The following C13orf42 variants were observed in gnomAD, a reference collection of about 807,000 sequenced individuals.
C13orf42 encodes the protein uncharacterized protein C13orf42.
chr13:51,140,291 T>C (rs1376804435), intron 1 of C13orf42, among the ~76,000 whole-genome samples: 1 of 152,240 alleles, frequency 6.6e-6, no homozygotes, highest in Non-Finnish European at 1.5e-5. Flanking sequence ...TACTGATTGA[T>C]GTCTCATGTC....
chr13:51,107,762 C>G (rs1953375961), intron 1 of C13orf42, among the ~76,000 whole-genome samples: 1 of 152,212 alleles, frequency 6.6e-6, no homozygotes, highest in South Asian at 2.1e-4. Context: ...GAGAAAGATA[C>G]TGTTTCAGCT....
rs980448755 is a variant in C13orf42 at position 51,171,005 on chromosome 13, T to C, written n.136+1248A>G. On this transcript the variant is annotated intron_variant and non_coding_transcript_variant, in intron 1 of 4. Transcript: ENST00000433280. The stretch of plus-strand genomic sequence containing the variant: ...CTTATTTCCGCACCCTGACCTCTTA[T>C]CTCTGTGCCCCCATCCCTTATTTCC... Among the ~76,000 whole-genome samples, 3 of 152,132 alleles carry C rather than the reference T, an allele frequency of 2.0e-5. No homozygotes were observed. In the East Asian group the frequency reaches 5.8e-4, roughly 29 times the overall value.
chr13:51,108,663 C>A (rs1053103361), intron 1 of C13orf42, among the ~76,000 whole-genome samples: 5 of 152,230 alleles, frequency 3.3e-5, no homozygotes, highest in Admixed American at 1.3e-4. Flanking sequence ...GCCTACTCCT[C>A]ACATTATCAT....
intron 1 of C13orf42, among the ~76,000 whole-genome samples, chr13:51,125,316 C>T (rs959001385): frequency 6.6e-6 from 1 of 152,186 alleles, no homozygotes; most frequent in Non-Finnish European, 1.5e-5. Context: ...CCCCTTTCAG[C>T]AAAGCATGTT....
At chr13:51,161,621 T>A (rs922285983) in intron 1 of C13orf42, 3 of 173,532 alleles carry the variant, frequency 1.7e-5, no homozygotes, top group African/African-American at 7.2e-5. Context: ...AACTAGTCGA[T>A]CCTAAGCTTG....
At chr13:51,143,843 T>C (rs898587691) in intron 1 of C13orf42, among the ~76,000 whole-genome samples, 7 of 152,180 alleles carry the variant, frequency 4.6e-5, no homozygotes, top group African/African-American at 2.4e-5. Flanking sequence ...ACGGGAAGCA[T>C]TGTCAAATAC....
intron 1 of C13orf42, among the ~76,000 whole-genome samples, chr13:51,133,796 A>C (rs1005087975): frequency 2.0e-5 from 3 of 152,208 alleles, no homozygotes; most frequent in Admixed American, 2.0e-4. Context: ...CGTGTGTCCA[A>C]GAGAAAAATG....
At chr13:51,134,251 A>C (rs1334730905) in intron 1 of C13orf42, among the ~76,000 whole-genome samples, 1 of 151,746 alleles carries the variant, frequency 6.6e-6, no homozygotes, top group Non-Finnish European at 1.5e-5. Context: ...TCAAAAACTC[A>C]CTCACTCAGG....
chr13:51,133,210 T>A (rs1034933871), intron 1 of C13orf42, among the ~76,000 whole-genome samples: 1 of 152,182 alleles, frequency 6.6e-6, no homozygotes, highest in Admixed American at 6.5e-5. Flanking sequence ...TTGCACAAGA[T>A]CCAAGAACCC....
intron 1 of C13orf42, among the ~76,000 whole-genome samples, chr13:51,157,555 T>C (rs768067553): frequency 4.6e-5 from 7 of 152,244 alleles, no homozygotes; most frequent in Non-Finnish European, 7.3e-5. Context: ...TTTGTAGACA[T>C]GGCTGGATTT....
At chr13:51,095,478 C>T (rs984022737) in intron 1 of C13orf42, among the ~76,000 whole-genome samples, 1 of 152,082 alleles carries the variant, frequency 6.6e-6, no homozygotes, top group African/African-American at 2.4e-5. Context: ...TTATATTAGA[C>T]CCCTTGATGT....
intron 1 of C13orf42, among the ~76,000 whole-genome samples, chr13:51,107,784 A>G (rs1341963705): frequency 6.6e-6 from 1 of 152,246 alleles, no homozygotes; most frequent in African/African-American, 2.4e-5. Flanking sequence ...CAAGCTCACC[A>G]AGTTCACTGC....
intron 1 of C13orf42, among the ~76,000 whole-genome samples, chr13:51,093,991 T>C (rs895826008): frequency 4.6e-5 from 7 of 152,224 alleles, no homozygotes; most frequent in African/African-American, 1.7e-4. Context: ...AAAATTCATG[T>C]ATTTTTAACA....
intron 1 of C13orf42, among the ~76,000 whole-genome samples, chr13:51,089,496 T>C (rs1179193530): frequency 6.6e-6 from 1 of 152,106 alleles, no homozygotes; most frequent in Non-Finnish European, 1.5e-5. Context: ...TGAGATCTGA[T>C]GGTTTAAAAG....
intron 1 of C13orf42, among the ~76,000 whole-genome samples, chr13:51,104,515 T>C (rs1953328622): frequency 6.6e-6 from 1 of 152,192 alleles, no homozygotes; most frequent in South Asian, 2.1e-4. Context: ...TAAGAATTTG[T>C]TAACTGTAAT....
intron 1 of C13orf42, among the ~76,000 whole-genome samples, chr13:51,147,882 T>C (rs966324064): frequency 6.6e-6 from 1 of 152,144 alleles, no homozygotes; most frequent in African/African-American, 2.4e-5. Context: ...AACGGGTCTG[T>C]GGCTAATAAA....
At position 51,083,036 on chromosome 13, in the gene C13orf42, A is replaced by G. The variant is rs1953081017; in HGVS notation, c.*1115T>C. The G allele has an allele frequency of 6.6e-6, 1 of 152,148 alleles. No individual in the cohort carries two copies. The highest frequency in any genetic ancestry group is 2.4e-5 in the African/African-American group (1 of 41,408). 9.4% of individuals were successfully genotyped at this position (152,148 alleles called of 1,614,324 possible). On this transcript the variant is annotated 3_prime_UTR_variant, in exon 4 of 4. Transcript: ENST00000563710. Reference sequence around the variant, plus strand: ...CCTAGAACATCCTTGGCTTAATTCAAATGATTGTGGTTTTCTTTGTTTTGT... The same window carrying G: ...CCTAGAACATCCTTGGCTTAATTCAGATGATTGTGGTTTTCTTTGTTTTGT...
intron 1 of C13orf42, among the ~76,000 whole-genome samples, chr13:51,149,211 G>A (rs941759773): frequency 2.0e-5 from 3 of 150,482 alleles, no homozygotes; most frequent in Non-Finnish European, 2.9e-5. Flanking sequence ...CAGCTAGCTA[G>A]AGAGAATTCC....
At chr13:51,112,466 G>C (rs1282715929), upstream of C13orf42, among the ~76,000 whole-genome samples, 1 of 152,140 alleles carries the variant, frequency 6.6e-6, no homozygotes, top group Non-Finnish European at 1.5e-5. Flanking sequence ...TCCTGCATCA[G>C]AACAATAACG....
Sources: gnomAD v4.1 joint callset for allele counts (sites outside exome capture counted in the v4.1 genomes callset) on GRCh38, gnomAD v4.1.1 for gene constraint, MANE v1.5 for transcripts, NCBI Gene and HGNC (gene_info 2026-07-23, HGNC 2026-07-21) for gene names.